TAOK1: variants seen among roughly 807,000 people sequenced by gnomAD.
The protein encoded by TAOK1 is TAO kinase 1.
TAOK1 carries 21 observed loss-of-function variants against 138.3 expected under a neutral mutation model. The ratio of observed to expected loss-of-function variants is 0.15; its 90% CI spans 0.11 to 0.22. The LOEUF is 0.22. TAOK1 is among the 10% of genes least tolerant of loss of function. TAOK1 has a pLI of 1.00. For synonymous variants in TAOK1, 361 were observed against 398.4 expected (o/e 0.91, Z 1.12); for missense variants, 651 against 1,227.7 (o/e 0.53, Z 7.02).
At chr17:29,474,223 A>C (rs2153026329) in intron 3 of TAOK1, among the ~76,000 whole-genome samples, 1 of 152,274 alleles carries the variant, frequency 6.6e-6, no homozygotes, top group South Asian at 2.1e-4. Context: ...TTGATTTTCT[A>C]TCCAGACCAT....
At chr17:29,428,876 T>A (rs898038116) in intron 1 of TAOK1, among the ~76,000 whole-genome samples, 2 of 151,794 alleles carry the variant, frequency 1.3e-5, no homozygotes, top group East Asian at 3.9e-4. Context: ...GATCCTCTCC[T>A]CTGCCCTCGA....
At position 29,547,189 on chromosome 17, in the gene TAOK1, T is replaced by C. The variant is rs1015917494; in HGVS notation, c.*4167T>C. 20 of 152,162 alleles carry C rather than the reference T, an allele frequency of 1.3e-4. No homozygotes were observed. The highest frequency in any genetic ancestry group is 4.8e-4 in the African/African-American group (20 of 41,442). The allele number at this position is 152,162 out of a possible 1,614,324, so 9.4% of individuals were successfully genotyped here. A position where few individuals can be genotyped will look rare whatever the true frequency, so the allele number is the denominator to read the frequency against. Reference sequence around the variant, plus strand: ...GCTTTCTATATGTATTTCTTAGTAGTGATACCATTGATCCTCTTACTTTTT... The same window carrying C: ...GCTTTCTATATGTATTTCTTAGTAGCGATACCATTGATCCTCTTACTTTTT... On this transcript the variant is annotated 3_prime_UTR_variant, in exon 20 of 20. Transcript: ENST00000261716.
intron 1 of TAOK1, among the ~76,000 whole-genome samples, chr17:29,438,230 A>G (rs1906100286): frequency 6.6e-6 from 1 of 152,152 alleles, no homozygotes. Context: ...CAATATTACT[A>G]TTTGAATATT....
At chr17:29,522,031 T>C (rs1404500553) in intron 16 of TAOK1, among the ~76,000 whole-genome samples, 1 of 152,192 alleles carries the variant, frequency 6.6e-6, no homozygotes, top group African/African-American at 2.4e-5. Context: ...TTAAACCTCT[T>C]GATATAGATT....
At chr17:29,478,210 A>G (rs113025991) in intron 5 of TAOK1, 41 bp from the exon 6 acceptor site, 44 of 1,490,106 alleles carry the variant, frequency 3.0e-5, no homozygotes, top group African/African-American at 2.6e-4. Context: ...TTTTTTAACA[A>G]AAATGTTCTG....
At position 29,483,469 on chromosome 17, in the gene TAOK1, T is replaced by A. The variant is rs187455257; in HGVS notation, c.655+1181T>A. Among the ~76,000 whole-genome samples, 75 of 152,272 alleles carry A rather than the reference T, an allele frequency of 4.9e-4. 1 individual carries two copies. The East Asian group carries it at 0.011, about 22-fold the overall frequency. ...TTTGATTAATCATTATCTACTCGAG[T>A]TTGTCAGTAGTTTTCTAAAATAAGT... is the stretch of plus-strand genomic sequence containing the variant. On this transcript the variant is annotated intron_variant, in intron 8 of 19. Coordinates refer to ENST00000261716, the MANE Select transcript of TAOK1 (RefSeq NM_020791.4).
At chr17:29,461,700 A>G (rs2030534986) in intron 2 of TAOK1, among the ~76,000 whole-genome samples, 1 of 152,152 alleles carries the variant, frequency 6.6e-6, no homozygotes, top group African/African-American at 2.4e-5. Flanking sequence ...GTGCTGTGCC[A>G]ACTTTGTCAT....
intron 5 of TAOK1, among the ~76,000 whole-genome samples, chr17:29,477,945 C>G (rs1343733727): frequency 2.0e-5 from 3 of 152,048 alleles, no homozygotes; most frequent in African/African-American, 7.2e-5. Flanking sequence ...TCTGAATTCT[C>G]TGTCATTCTG....
chr17:29,539,357 A>T (rs1322485234), intron 19 of TAOK1, among the ~76,000 whole-genome samples: 3 of 152,224 alleles, frequency 2.0e-5, no homozygotes, highest in Non-Finnish European at 4.4e-5. Flanking sequence ...CAGCCTAGGC[A>T]ACATGGTGAA....
intron 1 of TAOK1, among the ~76,000 whole-genome samples, chr17:29,397,667 A>ACATGTATACATGTATACATGTATATT (rs1904675121): frequency 2.7e-5 from 1 of 36,428 alleles, no homozygotes; most frequent in Non-Finnish European, 5.6e-5. Context: ...CATGTATGAT[A>ACATGTATACATGTATACATGTATATT]CATGTATACA....
intron 15 of TAOK1, chr17:29,512,667 C>A: frequency 6.7e-6 from 1 of 148,790 alleles, no homozygotes; most frequent in Non-Finnish European, 1.5e-5. Context: ...GTGTGAGCCA[C>A]AACATCCAGC....
At chr17:29,433,478 G>A (rs1250067695) in intron 1 of TAOK1, among the ~76,000 whole-genome samples, 1 of 151,654 alleles carries the variant, frequency 6.6e-6, no homozygotes, top group Non-Finnish European at 1.5e-5. Flanking sequence ...AACTAAGGCA[G>A]CTCTGTTAGC....
chr17:29,532,572 A>G (rs981673992), intron 18 of TAOK1, among the ~76,000 whole-genome samples: 1 of 152,096 alleles, frequency 6.6e-6, no homozygotes, highest in Non-Finnish European at 1.5e-5. Context: ...GCCTTCAAGC[A>G]TCTGTTTAAC....
intron 8 of TAOK1, among the ~76,000 whole-genome samples, chr17:29,483,985 C>G (rs1445271343): frequency 6.6e-6 from 1 of 152,108 alleles, no homozygotes; most frequent in Non-Finnish European, 1.5e-5. Flanking sequence ...ATGTGCCCCT[C>G]AGTGATAGTG....
At chr17:29,467,398 C>T (rs1033816632) in intron 3 of TAOK1, among the ~76,000 whole-genome samples, 182 bp downstream of exon 3, 5 of 151,904 alleles carry the variant, frequency 3.3e-5, no homozygotes, top group South Asian at 2.1e-4. Flanking sequence ...CTCAGCCTCC[C>T]GAGTAGCTGG....
chr17:29,544,266 C>T lies in TAOK1; in HGVS notation c.*1244C>T, dbSNP rs997045305. On this transcript the variant is annotated 3_prime_UTR_variant, in exon 20 of 20. Coordinates refer to ENST00000261716, the MANE Select transcript of TAOK1 (RefSeq NM_020791.4). ...AGCCAATGACTTTACCAGCTGCTGACTAATCTTCATCACCACTGTAGATTT... is the reference window on the plus strand; with the variant it reads ...AGCCAATGACTTTACCAGCTGCTGATTAATCTTCATCACCACTGTAGATTT... The T allele has an allele frequency of 8.5e-5, 13 of 152,652 alleles. No individual in the cohort carries two copies. The highest frequency in any genetic ancestry group is 7.2e-4 in the Admixed American group (11 of 15,286). The allele number at this position is 152,652 out of a possible 1,614,324, so 9.5% of individuals were successfully genotyped here.
At chr17:29,485,524 A>C (rs1218532077) in intron 8 of TAOK1, among the ~76,000 whole-genome samples, 1 of 152,194 alleles carries the variant, frequency 6.6e-6, no homozygotes, top group Non-Finnish European at 1.5e-5. Context: ...CTGTAGTCCC[A>C]GCTACTCGGG....
chr17:29,397,456 A>G (rs1301888819), intron 1 of TAOK1, among the ~76,000 whole-genome samples: 1 of 150,984 alleles, frequency 6.6e-6, no homozygotes, highest in Non-Finnish European at 1.5e-5. Context: ...ACAAAAAATT[A>G]GCCGGGCATG....
chr17:29,453,397 G>A (rs1027721145), intron 2 of TAOK1, among the ~76,000 whole-genome samples: 8 of 151,984 alleles, frequency 5.3e-5, no homozygotes, highest in Middle Eastern at 3.2e-3. Flanking sequence ...CTATAGGCAC[G>A]TGCTACTAAC....
Sources: gnomAD v4.1 joint callset for allele counts (sites outside exome capture counted in the v4.1 genomes callset) on GRCh38, gnomAD v4.1.1 for gene constraint, MANE v1.5 for transcripts, NCBI Gene and HGNC (gene_info 2026-07-23, HGNC 2026-07-21) for gene names.